ACBD6: variants seen among roughly 807,000 people sequenced by gnomAD.
The protein encoded by ACBD6 is acyl-CoA binding domain containing 6.
In ACBD6, 28 loss-of-function variants were observed where a neutral mutation model predicts 37.2. The observed-to-expected ratio is 0.75, with a 90% CI of 0.56 to 1.03. ACBD6 has a LOEUF of 1.03. Among genes scored for constraint, ACBD6 ranks in the 50% least tolerant of loss-of-function variants. The probability of loss-of-function intolerance (pLI) is 0.00; values close to 1 mark genes in which losing one functional copy is unlikely to be tolerated. For missense variants in ACBD6, 340 were observed against 337.4 expected (o/e 1.01, Z -0.06); for synonymous variants, 113 against 126.8 (o/e 0.89, Z 0.73).
At chr1:180,387,821 T>C (rs1288489315) in intron 6 of ACBD6, among the ~76,000 whole-genome samples, 3 of 152,164 alleles carry the variant, frequency 2.0e-5, no homozygotes, top group African/African-American at 4.8e-5. Flanking sequence ...TCTGCACCCA[T>C]TGGTATTTCT....
At chr1:180,358,756 G>A (rs1489249207) in intron 6 of ACBD6, among the ~76,000 whole-genome samples, 4 of 152,092 alleles carry the variant, frequency 2.6e-5, no homozygotes, top group Admixed American at 2.6e-4. Context: ...GGTTTAGAGG[G>A]ATTAATCTCC....
At chr1:180,302,270 G>A (rs1289253957) in intron 7 of ACBD6, among the ~76,000 whole-genome samples, 1 of 151,776 alleles carries the variant, frequency 6.6e-6, no homozygotes, top group East Asian at 1.9e-4. Flanking sequence ...TTCATGACAT[G>A]TAACTTTTCC....
At chr1:180,405,269 G>A (rs1647565363) in intron 5 of ACBD6, among the ~76,000 whole-genome samples, 1 of 18,856 alleles carries the variant, frequency 5.3e-5, no homozygotes, top group African/African-American at 4.4e-4. Flanking sequence ...CCAAAAGCAT[G>A]CAAATTGTAT....
chr1:180,415,669 T>C (rs1169443575), intron 4 of ACBD6, among the ~76,000 whole-genome samples: 1 of 152,190 alleles, frequency 6.6e-6, no homozygotes, highest in Non-Finnish European at 1.5e-5. Context: ...GAAGGATCCT[T>C]GGCATGTGGG....
intron 6 of ACBD6, among the ~76,000 whole-genome samples, chr1:180,358,438 C>T (rs1652711980): frequency 6.7e-5 from 1 of 14,932 alleles, no homozygotes; most frequent in Admixed American, 8.4e-4. Flanking sequence ...AAAACAACAA[C>T]AACAACAACA....
intron 7 of ACBD6, among the ~76,000 whole-genome samples, chr1:180,307,965 TTAAGA>T (rs1650448481): frequency 6.6e-6 from 1 of 152,132 alleles, no homozygotes; most frequent in Admixed American, 6.6e-5. Context: ...AAAAAACAAA[TTAAGA>T]TAAATAAATG....
intron 1 of ACBD6, among the ~76,000 whole-genome samples, chr1:180,498,520 C>T (rs1016408311): frequency 8.5e-5 from 13 of 152,178 alleles, no homozygotes; most frequent in African/African-American, 2.9e-4. Flanking sequence ...CTTCCCATCT[C>T]ATCACACAAA....
chr1:180,422,159 G>C (rs191829824), intron 4 of ACBD6, among the ~76,000 whole-genome samples: 267 of 151,892 alleles, frequency 1.8e-3, no homozygotes, highest in Non-Finnish European at 3.0e-3. Context: ...CAAGGTTCTT[G>C]TACTTGCCAG....
chr1:180,272,451 G>GT (rs997203550), intron 13 of ACBD6, among the ~76,000 whole-genome samples: 6 of 152,148 alleles, frequency 3.9e-5, no homozygotes, highest in Admixed American at 2.0e-4. Context: ...TGCTCCACAG[G>GT]TTTTTTCCTG....
intron 3 of ACBD6, among the ~76,000 whole-genome samples, chr1:180,473,363 CG>C (rs1240582691): frequency 1.4e-5 from 2 of 147,510 alleles, no homozygotes; most frequent in Non-Finnish European, 3.0e-5. Flanking sequence ...AGGAGAATGG[CG>C]TGAACCCGGG....
chr1:180,292,165 T>G (rs1275538615), intron 7 of ACBD6, among the ~76,000 whole-genome samples: 1 of 152,196 alleles, frequency 6.6e-6, no homozygotes, highest in Non-Finnish European at 1.5e-5. Context: ...GGTCCTTTGC[T>G]TTTCCATATA....
intron 3 of ACBD6, among the ~76,000 whole-genome samples, chr1:180,463,937 T>A (rs774387006): frequency 1.3e-5 from 2 of 152,062 alleles, no homozygotes; most frequent in Admixed American, 1.3e-4. Flanking sequence ...ATCACATAAA[T>A]AGAACTAAAG....
At chr1:180,471,662 T>C (rs944281137) in intron 3 of ACBD6, among the ~76,000 whole-genome samples, 1 of 152,054 alleles carries the variant, frequency 6.6e-6, no homozygotes, top group Non-Finnish European at 1.5e-5. Flanking sequence ...ATTCAGTATC[T>C]CGAGAATAGC....
chr1:180,383,878 T>C (rs1653749749), intron 6 of ACBD6, among the ~76,000 whole-genome samples: 1 of 151,626 alleles, frequency 6.6e-6, no homozygotes, highest in African/African-American at 2.4e-5. Context: ...GTATTTAGAG[T>C]CAACTGATAC....
At chr1:180,290,785 AGAACT>A (rs1649670023) in intron 7 of ACBD6, among the ~76,000 whole-genome samples, 1 of 152,238 alleles carries the variant, frequency 6.6e-6, no homozygotes, top group Non-Finnish European at 1.5e-5. Context: ...GGAATGCTGG[AGAACT>A]GTCTCTGCTG....
In ACBD6 at chr1:180,303,763, A is replaced by G. The variant is rs567062120; in HGVS notation, c.694+10929T>C. Among the ~76,000 whole-genome samples the G allele has an allele frequency of 1.1e-3, 166 of 151,060 alleles. 2 individuals are homozygous for G. Among genetic ancestry groups the G allele is most frequent in the African/African-American group, 4.0e-3 (164 of 41,456 alleles). On this transcript the variant is annotated intron_variant, in intron 7 of 7. Transcript: ENST00000367595. ...CCTCCCTAACTCATTTTATGAGGCCAGCATCATCCTGTTACCAAAGCCTGG... is the reference window on the plus strand; with the variant it reads ...CCTCCCTAACTCATTTTATGAGGCCGGCATCATCCTGTTACCAAAGCCTGG...
At chr1:180,359,285 A>G (rs1348240451) in intron 6 of ACBD6, among the ~76,000 whole-genome samples, 1 of 152,192 alleles carries the variant, frequency 6.6e-6, no homozygotes, top group Non-Finnish European at 1.5e-5. Flanking sequence ...AATTCAACGT[A>G]TATTTTTTAA....
chr1:180,489,147 C>CAG (rs1171321975), intron 3 of ACBD6, among the ~76,000 whole-genome samples: 1 of 151,710 alleles, frequency 6.6e-6, no homozygotes, highest in Admixed American at 6.6e-5. Context: ...GCCTGGGTGA[C>CAG]AGAGAGAGAC....
chr1:180,302,479 T>C lies in ACBD6; in HGVS notation c.694+12213A>G, dbSNP rs888342811. On this transcript the variant is annotated intron_variant, in intron 7 of 7. Coordinates refer to ENST00000367595, the MANE Select transcript of ACBD6 (RefSeq NM_032360.4). ...CCTTTACCATTATGTAATGGCCTTC[T>C]TTGTCTCTTTTGATCTTTGTTGGTT... 2.0e-5 allele frequency among the ~76,000 whole-genome samples: 3 copies of C among 152,188 alleles called. No homozygotes were observed. In the South Asian group the frequency reaches 6.2e-4, roughly 32 times the overall value.
Sources: gnomAD v4.1 joint callset for allele counts (sites outside exome capture counted in the v4.1 genomes callset) on GRCh38, gnomAD v4.1.1 for gene constraint, MANE v1.5 for transcripts, NCBI Gene and HGNC (gene_info 2026-07-23, HGNC 2026-07-21) for gene names.